COL24A1: variants seen among roughly 807,000 people sequenced by gnomAD.
COL24A1 encodes collagen alpha-1(XXIV) chain.
COL24A1 carries 224 observed loss-of-function variants against 253.9 expected under a neutral mutation model. The ratio of observed to expected loss-of-function variants is 0.88; its 90% CI spans 0.79 to 0.99. The LOEUF (loss-of-function observed/expected upper bound fraction) is 0.99, where lower values mean the gene tolerates loss of function less well. Among genes scored for constraint, COL24A1 ranks in the 50% least tolerant of loss-of-function variants. The pLI is 0.00. For synonymous variants in COL24A1, 685 were observed against 673.7 expected (o/e 1.02, Z -0.26); for missense variants, 2,131 against 2,068.5 (o/e 1.03, Z -0.59).
rs764102797 is a variant in COL24A1 at position 86,156,375 on chromosome 1, T to C, written c.22A>G (p.Thr8Ala). Residue 8 changes from threonine (T) to alanine (A), a missense_variant, in exon 1 of 60, where the codon ACA (threonine) becomes GCA (alanine). Coordinates refer to ENST00000370571, the MANE Select transcript of COL24A1 (RefSeq NM_152890.7). MHLRAHR[T>A]RRGKVSPTAK... Reference sequence around the variant, plus strand: ...GTGGGGGAGACTTTTCCACGCCTTGTTCTGTGGGCTCTTAAATGCATTTGT... The same window carrying C: ...GTGGGGGAGACTTTTCCACGCCTTGCTCTGTGGGCTCTTAAATGCATTTGT... 4.3e-6 allele frequency: 7 copies of C among 1,612,688 alleles called. No homozygotes were observed. Among genetic ancestry groups the C allele is most frequent in the Admixed American group, 1.7e-5 (1 of 59,742 alleles).
chr1:86,022,245 G>C lies in COL24A1; in HGVS notation c.2251C>G (p.Pro751Ala). 1.9e-6 allele frequency: 3 copies of C among 1,612,748 alleles called. No homozygotes were observed. The highest frequency in any genetic ancestry group is 2.5e-6 in the Non-Finnish European group (3 of 1,178,888). The change falls in exon 18 of 60, where the codon CCT (proline) becomes GCT (alanine). Residue 751 changes from proline to alanine, a missense_variant. Physicochemically the swap from Pro to Ala is conservative, Grantham distance 27. Coordinates refer to ENST00000370571, the MANE Select transcript of COL24A1 (RefSeq NM_152890.7). ...GPPGMRGKSG[P>A]SGQTGDPGLQ... ...AAGCAAAAGTTCAAACCTACTGAAG[G>C]CCCTGACTTTCCTCTCATCCCTGGT...
chr1:85,998,565 T>A (rs556287018), intron 19 of COL24A1, among the ~76,000 whole-genome samples: 47 of 152,354 alleles, frequency 3.1e-4, no homozygotes, highest in African/African-American at 1.1e-3. Flanking sequence ...CACATGTCAC[T>A]GGGAGATAAT....
intron 19 of COL24A1, among the ~76,000 whole-genome samples, chr1:85,994,591 GT>G (rs1196791936): frequency 6.6e-6 from 1 of 152,138 alleles, no homozygotes; most frequent in African/African-American, 2.4e-5. Flanking sequence ...CACATGTCAT[GT>G]CAGTAATATG....
At chr1:85,976,163 G>A (rs565402900) in intron 20 of COL24A1, among the ~76,000 whole-genome samples, 18 of 152,310 alleles carry the variant, frequency 1.2e-4, no homozygotes, top group South Asian at 1.0e-3. Flanking sequence ...TAGCACAGGA[G>A]CCAAGGCCAA....
chr1:86,018,338 T>C (rs950146812), intron 18 of COL24A1, among the ~76,000 whole-genome samples: 3 of 152,178 alleles, frequency 2.0e-5, no homozygotes, highest in African/African-American at 4.8e-5. Context: ...AGAAAGGCAG[T>C]GAAATATTAT....
chr1:85,805,029 C>T (rs948561989), intron 47 of COL24A1, among the ~76,000 whole-genome samples: 7 of 152,162 alleles, frequency 4.6e-5, no homozygotes, highest in African/African-American at 1.7e-4. Context: ...TCTGTAGAGA[C>T]AGGGTCTTGC....
intron 28 of COL24A1, among the ~76,000 whole-genome samples, chr1:85,904,374 G>T (rs1684606913): frequency 6.6e-6 from 1 of 152,102 alleles, no homozygotes; most frequent in Non-Finnish European, 1.5e-5. Flanking sequence ...TAATACCAAG[G>T]GATCAGTTGC....
intron 33 of COL24A1, among the ~76,000 whole-genome samples, chr1:85,875,955 A>G (rs929183414): frequency 2.7e-4 from 41 of 152,058 alleles, no homozygotes; most frequent in African/African-American, 8.9e-4. Flanking sequence ...TAAACATGCT[A>G]TGTGTGCCCC....
chr1:85,893,988 A>G (rs1385258886), intron 31 of COL24A1, among the ~76,000 whole-genome samples: 2 of 152,174 alleles, frequency 1.3e-5, no homozygotes, highest in Non-Finnish European at 2.9e-5. Flanking sequence ...AGCATACACT[A>G]GACCAAAGGA....
intron 47 of COL24A1, among the ~76,000 whole-genome samples, chr1:85,796,224 A>G (rs1570650023): frequency 6.6e-6 from 1 of 152,330 alleles, no homozygotes; most frequent in East Asian, 1.9e-4. Context: ...GACTCACATC[A>G]AGGGTATACA....
chr1:86,007,184 C>T (rs747161364), intron 19 of COL24A1, among the ~76,000 whole-genome samples: 9 of 152,006 alleles, frequency 5.9e-5, no homozygotes, highest in South Asian at 2.1e-4. Context: ...TACTGAACTC[C>T]GGCCTGAGTG....
chr1:85,996,296 A>G (rs146246652), intron 19 of COL24A1, among the ~76,000 whole-genome samples: 1 of 152,316 alleles, frequency 6.6e-6, no homozygotes, highest in East Asian at 1.9e-4. Flanking sequence ...CAGCATAACC[A>G]TTATTTACTG....
intron 35 of COL24A1, 55 bp from the exon 36 acceptor site, chr1:85,868,890 T>C: frequency 1.6e-6 from 2 of 1,266,950 alleles, no homozygotes; most frequent in Non-Finnish European, 2.2e-6. Flanking sequence ...ATCATTTATC[T>C]TATTTTATTT....
rs553127564 is a variant in COL24A1 at position 85,756,418 on chromosome 1, C to CA, written c.4437+4977dup. ...TGGGCAACACAGCAAGAGTCTGTCT[C>CA]AAAAAAAAAAAATACAAATGTCTAA... On this transcript the variant is annotated intron_variant, in intron 55 of 59. Coordinates refer to ENST00000370571, the MANE Select transcript of COL24A1 (RefSeq NM_152890.7). Among the ~76,000 whole-genome samples, 611 of 145,236 alleles carry CA rather than the reference C, an allele frequency of 4.2e-3. 3 individuals are homozygous for CA. The highest frequency in any genetic ancestry group is 0.013 in the African/African-American group (488 of 38,720).
chr1:85,949,103 C>T (rs989533063), intron 24 of COL24A1, among the ~76,000 whole-genome samples: 2 of 152,112 alleles, frequency 1.3e-5, no homozygotes, highest in African/African-American at 4.8e-5. Flanking sequence ...AGTCCTTACT[C>T]TTACCCGTTT....
rs1683681654 is a variant in COL24A1 at position 85,896,157 on chromosome 1, A to G, written c.2833-92T>C. On this transcript the variant is annotated intron_variant, in intron 29 of 59. Transcript: ENST00000370571. The stretch of plus-strand genomic sequence containing the variant: ...TGCTAGCATACACTCACATACAAAA[A>G]AGACAGTAAGTATATAGTTCATTAT... The G allele has an allele frequency of 4.5e-6, 6 of 1,345,582 alleles. No homozygotes were observed. The South Asian group carries it at 5.1e-5, about 12-fold the overall frequency. 83.4% of individuals were successfully genotyped at this position (1,345,582 alleles called of 1,614,324 possible).
rs59071699 is a variant in COL24A1 at position 85,997,055 on chromosome 1, GTATATA to G, written c.2311-9407_2311-9402del. Among the ~76,000 whole-genome samples, 298 of 95,074 alleles carry G rather than the reference GTATATA, an allele frequency of 3.1e-3. 9 individuals are homozygous for G. The highest frequency in any genetic ancestry group is 0.028 in the South Asian group (66 of 2,394). The allele number at this position is 95,074 out of a possible 152,430, so 62.4% of individuals were successfully genotyped here. Reference sequence around the variant, plus strand: ...TATATATATATATGTGTGTGTGTGTGTATATATATATATATATATATATATACCAGT... The same window carrying G: ...TATATATATATATGTGTGTGTGTGTGTATATATATATATATATATACCAGT... On this transcript the variant is annotated intron_variant, in intron 19 of 59. Transcript: ENST00000370571.
At position 85,816,796 on chromosome 1, in the gene COL24A1, C is replaced by A. The variant is rs866860494; in HGVS notation, c.3943G>T (p.Gly1315Ter). The change falls in exon 47 of 60, where the codon GGA becomes TGA. Residue 1315 changes from glycine (G) to a stop codon, truncating the protein, a stop_gained. Coordinates refer to ENST00000370571, the MANE Select transcript of COL24A1 (RefSeq NM_152890.7). LOFTEE classifies it high-confidence loss of function. ...PGKIGPPGKQ[G>*]LPGIRGGPGR... is the part of the protein sequence containing the mutation. ...ATATCCGTACTACTCACAGGAAGTC[C>A]CTGTTTTCCTGGTGGCCCAATTTTT... 5 of 1,612,340 alleles carry A rather than the reference C, an allele frequency of 3.1e-6. No individual in the cohort carries two copies. Among genetic ancestry groups the A allele is most frequent in the Non-Finnish European group, 4.2e-6 (5 of 1,178,432 alleles).
chr1:85,780,215 T>G (rs562301527), intron 52 of COL24A1, among the ~76,000 whole-genome samples: 1 of 151,894 alleles, frequency 6.6e-6, no homozygotes, highest in Admixed American at 6.5e-5. Flanking sequence ...ACTTTGGTGG[T>G]TTCTTCTCTA....
Sources: allele counts gnomAD v4.1 joint callset (sites outside exome capture counted in the v4.1 genomes callset), GRCh38; gene constraint gnomAD v4.1.1; transcripts MANE v1.5; gene names NCBI Gene and HGNC (gene_info 2026-07-23, HGNC 2026-07-21).